ADAMTS2: variants seen among roughly 807,000 people sequenced by gnomAD.
The protein encoded by ADAMTS2 is ADAM metallopeptidase with thrombospondin type 1 motif 2, also known as A disintegrin and metalloproteinase with thrombospondin motifs 2.
Under a neutral mutation model 123.0 loss-of-function variants are expected in ADAMTS2, and 50 were observed. That is an observed-to-expected ratio of 0.41 (90% confidence interval 0.32 to 0.51). The LOEUF (loss-of-function observed/expected upper bound fraction) is 0.51, where lower values mean the gene tolerates loss of function less well. Ranked by LOEUF, ADAMTS2 falls within the 20% of genes least tolerant of loss-of-function variation. ADAMTS2 has a pLI of 0.35. For missense variants in ADAMTS2, 1,494 were observed against 1,705.2 expected (o/e 0.88, Z 2.18); for synonymous variants, 678 against 695.4 (o/e 0.98, Z 0.39).
At chr5:179,248,081 T>C (rs1233963216) in intron 3 of ADAMTS2, among the ~76,000 whole-genome samples, 1 of 152,140 alleles carries the variant, frequency 6.6e-6, no homozygotes, top group Non-Finnish European at 1.5e-5. Context: ...AACAATATTA[T>C]AATAAAGGGT....
At position 179,330,055 on chromosome 5, in the gene ADAMTS2, A is replaced by G. The variant is rs376652642; in HGVS notation, c.534+13712T>C. Among the ~76,000 whole-genome samples, 1,407 of 149,188 alleles carry G rather than the reference A, an allele frequency of 9.4e-3. 7 individuals carry two copies. Among genetic ancestry groups the G allele is most frequent in the Non-Finnish European group, 0.016 (1,047 of 67,310 alleles). ...GCAGGAGAATGGCGTGAACCCGGGA[A>G]GCGGAGCTTGCAGTGAGCCGAGATT... On this transcript the variant is annotated intron_variant, in intron 2 of 21. Transcript: ENST00000251582.
rs554761236 is a variant in ADAMTS2, at chr5:179,214,817, A to G, written c.689-7102T>C. On this transcript the variant is annotated intron_variant, in intron 3 of 21. Coordinates refer to ENST00000251582, the MANE Select transcript of ADAMTS2 (RefSeq NM_014244.5). ...AATTTGGCATAATCTCCATCAAATA[A>G]TTGTTAAAATAATTGTTAAAATTAT... 5.4e-5 allele frequency among the ~76,000 whole-genome samples: 8 copies of G among 149,280 alleles called. No individual in the cohort carries two copies. The East Asian group carries it at 1.3e-3, about 25-fold the overall frequency.
chr5:179,217,222 T>C (rs1270742873), intron 3 of ADAMTS2, among the ~76,000 whole-genome samples: 1 of 152,232 alleles, frequency 6.6e-6, no homozygotes, highest in Non-Finnish European at 1.5e-5. Context: ...CATAGATGGA[T>C]GGATCTTAAA....
chr5:179,196,133 C>T (rs1174268270), intron 4 of ADAMTS2, among the ~76,000 whole-genome samples: 1 of 152,142 alleles, frequency 6.6e-6, no homozygotes, highest in South Asian at 2.1e-4. Flanking sequence ...GCCCATATGC[C>T]TTCGGATTGT....
chr5:179,283,889 C>CA (rs1315146058), intron 2 of ADAMTS2, among the ~76,000 whole-genome samples: 5 of 149,528 alleles, frequency 3.3e-5, no homozygotes, highest in African/African-American at 7.4e-5. Context: ...GACCCTGACT[C>CA]AAAAAAACCA....
intron 3 of ADAMTS2, among the ~76,000 whole-genome samples, chr5:179,250,291 C>T (rs143028488): frequency 1.1e-4 from 17 of 152,076 alleles, no homozygotes; most frequent in African/African-American, 3.9e-4. Flanking sequence ...AACATAGTAC[C>T]GGACATTCTA....
In ADAMTS2 at chr5:179,345,316, C is replaced by T; in HGVS notation, c.13G>A (p.Ala5Thr). ...CAGAGCAGGCGGCGAGCGGCTCCCG[C>T]CGGCGGATCCATGGCAGCCGGACTG... The part of the protein sequence containing the change: MDPP[A>T]GAARRLLCPA... The change falls in exon 1 of 22, where the codon GCG becomes ACG. Residue 5 changes from alanine to threonine, a missense_variant. Ala to Thr is a moderately conservative substitution (Grantham distance 58). This residue lies in a region of ADAMTS2 where 237 missense variants were observed against 233.7 expected (regional missense o/e 1.01). Transcript: ENST00000251582. This position sits in a 1 kb window ranked among gnomAD's most constrained non-coding sequence, Gnocchi z 7.5. 1 of 1,135,594 alleles carries T rather than the reference C, an allele frequency of 8.8e-7. No homozygotes were observed. The highest frequency in any genetic ancestry group is 4.5e-5 in the East Asian group (1 of 22,424). 70.3% of individuals were successfully genotyped at this position (1,135,594 alleles called of 1,614,324 possible).
At chr5:179,334,288 G>C (rs1757554396) in intron 2 of ADAMTS2, among the ~76,000 whole-genome samples, 1 of 152,194 alleles carries the variant, frequency 6.6e-6, no homozygotes. Context: ...TGCGTAAATG[G>C]GGACTGGGTT....
intron 4 of ADAMTS2, among the ~76,000 whole-genome samples, chr5:179,205,973 G>GTGTTGGCCAGGA (rs1287330777): frequency 6.6e-6 from 1 of 151,904 alleles, no homozygotes; most frequent in Admixed American, 6.6e-5. Flanking sequence ...GGGTTTCACC[G>GTGTTGGCCAGGA]TGGTCTCGAT....
At chr5:179,269,064 T>G (rs930737462) in intron 3 of ADAMTS2, among the ~76,000 whole-genome samples, 5 of 152,082 alleles carry the variant, frequency 3.3e-5, no homozygotes, top group African/African-American at 1.2e-4. Context: ...AAGGCATCCT[T>G]GCAAGAGGGA....
intron 2 of ADAMTS2, among the ~76,000 whole-genome samples, chr5:179,289,193 A>T (rs1756115841): frequency 6.6e-6 from 1 of 152,072 alleles, no homozygotes; most frequent in East Asian, 1.9e-4. Flanking sequence ...AATCACACCC[A>T]AGCACAGCGG....
chr5:179,259,099 G>A (rs976343700), intron 3 of ADAMTS2, among the ~76,000 whole-genome samples: 4 of 152,060 alleles, frequency 2.6e-5, no homozygotes, highest in Admixed American at 1.3e-4. Context: ...CCTCCTCCAC[G>A]ACGGAGCCCA....
At chr5:179,207,948 T>C (rs1025111823) in intron 3 of ADAMTS2, among the ~76,000 whole-genome samples, 10 of 152,116 alleles carry the variant, frequency 6.6e-5, no homozygotes, top group Non-Finnish European at 1.5e-4. Context: ...GGACCGCTCG[T>C]TCCCCAGCCC....
chr5:179,167,982 T>A (rs1312029304), intron 5 of ADAMTS2, among the ~76,000 whole-genome samples: 1 of 152,164 alleles, frequency 6.6e-6, no homozygotes, highest in Admixed American at 6.5e-5. Context: ...CAGCAAAGCT[T>A]CTCAACCGTC....
chr5:179,207,471 A>ACCCGGCCCC lies in ADAMTS2; in HGVS notation c.891+41_891+42insGGGGCCGGG. On this transcript the variant is annotated intron_variant, in intron 4 of 21. Transcript: ENST00000251582. ...CTCTGGCCTGCCCAGCCCCTGGTTG[A>ACCCGGCCCC]CCCTCCCCGCCCCACCCTGCCCCCT... 1.4e-5 allele frequency: 14 copies of ACCCGGCCCC among 1,026,468 alleles called. 1 individual carries two copies. Among genetic ancestry groups the ACCCGGCCCC allele is most frequent in the East Asian group, 2.5e-5 (1 of 39,908 alleles). 63.6% of individuals were successfully genotyped at this position (1,026,468 alleles called of 1,614,324 possible).
chr5:179,282,505 A>C (rs918890214), intron 2 of ADAMTS2, among the ~76,000 whole-genome samples: 2 of 152,228 alleles, frequency 1.3e-5, no homozygotes, highest in African/African-American at 4.8e-5. Flanking sequence ...TCCTTCTGCC[A>C]ACACCACACA....
intron 3 of ADAMTS2, among the ~76,000 whole-genome samples, chr5:179,211,535 C>G (rs1331492322): frequency 1.3e-5 from 2 of 152,216 alleles, no homozygotes; most frequent in Non-Finnish European, 2.9e-5. Flanking sequence ...AGCTGGAGAT[C>G]TCTTTGCTCA....
At chr5:179,245,800 A>AAAACAAC (rs1765789546) in intron 3 of ADAMTS2, among the ~76,000 whole-genome samples, 3 of 142,736 alleles carry the variant, frequency 2.1e-5, no homozygotes, top group Admixed American at 6.9e-5. Flanking sequence ...AAAAAACAAA[A>AAAACAAC]AAAACAAAGA....
At chr5:179,178,523 G>A (rs924792480) in intron 5 of ADAMTS2, among the ~76,000 whole-genome samples, 1 of 152,346 alleles carries the variant, frequency 6.6e-6, no homozygotes, top group East Asian at 1.9e-4. Context: ...TGGGCAGATG[G>A]CCCTGCATGC....
Sources: gnomAD v4.1 joint callset for allele counts (sites outside exome capture counted in the v4.1 genomes callset) on GRCh38, gnomAD v4.1.1 for gene constraint, gnomAD v4.1.1 regional missense constraint, Gnocchi (gnomAD v3.1) non-coding constraint, MANE v1.5 for transcripts, NCBI Gene and HGNC (gene_info 2026-07-23, HGNC 2026-07-21) for gene names.